Variants in ENTREP2 observed in about 807,000 individuals in gnomAD.
The protein encoded by ENTREP2 is endosomal transmembrane epsin interactor 2.
chr15:29,582,761 C>T, the ENTREP2 span, among the ~76,000 whole-genome samples: 14 of 152,210 alleles, frequency 9.2e-5, no homozygotes, highest in Middle Eastern at 3.4e-3. Context: ...AAGCGATTCT[C>T]CTGCCTCAGC....
the ENTREP2 span, among the ~76,000 whole-genome samples, chr15:29,482,361 C>A: frequency 6.6e-6 from 1 of 152,072 alleles, no homozygotes; most frequent in South Asian, 2.1e-4. Flanking sequence ...CATTATCACC[C>A]AAGTCCATGG....
chr15:29,605,212 T>C, the ENTREP2 span, among the ~76,000 whole-genome samples: 6 of 152,190 alleles, frequency 3.9e-5, no homozygotes, highest in Non-Finnish European at 7.3e-5. Flanking sequence ...GCAAAGAGAT[T>C]GTCAGGCTCT....
chr15:29,366,989 A>G, the ENTREP2 span, among the ~76,000 whole-genome samples: 13 of 152,328 alleles, frequency 8.5e-5, no homozygotes, highest in African/African-American at 3.1e-4. Context: ...GAGAGATGAC[A>G]TCAGAAAAAG....
At chr15:29,293,028 C>G in the ENTREP2 span, among the ~76,000 whole-genome samples, 1 of 152,184 alleles carries the variant, frequency 6.6e-6, no homozygotes, top group Non-Finnish European at 1.5e-5. Flanking sequence ...TTTGAGTGGC[C>G]ATGTGTCAAA....
chr15:29,318,636 A>C, the ENTREP2 span, among the ~76,000 whole-genome samples: 4 of 152,166 alleles, frequency 2.6e-5, no homozygotes, highest in Non-Finnish European at 2.9e-5. Flanking sequence ...AGGTATGTAC[A>C]CTTTTTAAAG....
At chr15:29,179,509 G>A in the ENTREP2 span, among the ~76,000 whole-genome samples, 2 of 152,160 alleles carry the variant, frequency 1.3e-5, no homozygotes, top group Non-Finnish European at 2.9e-5. Context: ...GGATACTGAG[G>A]ATGAGCTTAG....
At chr15:29,663,617 A>G in the ENTREP2 span, among the ~76,000 whole-genome samples, 1 of 152,202 alleles carries the variant, frequency 6.6e-6, no homozygotes, top group Non-Finnish European at 1.5e-5. Context: ...GCAAGGACAA[A>G]AAACCAAACA....
chr15:29,669,165 G>A, the ENTREP2 span, among the ~76,000 whole-genome samples: 3 of 152,154 alleles, frequency 2.0e-5, no homozygotes, highest in African/African-American at 4.8e-5. Context: ...CCAAGATTGC[G>A]CCGCTGAACT....
chr15:29,233,990 A>G, the ENTREP2 span: 1 of 1,497,944 alleles, frequency 6.7e-7, no homozygotes, highest in East Asian at 2.3e-5. Context: ...GACCATAGGA[A>G]GAGTTGAAAT....
chr15:29,376,464 A>AG, the ENTREP2 span: 1 of 152,150 alleles, frequency 6.6e-6, no homozygotes, highest in South Asian at 2.1e-4. Context: ...TAAAAAAAAA[A>AG]CTATCCCAGT....
chr15:29,668,715 C>T, the ENTREP2 span, among the ~76,000 whole-genome samples: 1 of 152,188 alleles, frequency 6.6e-6, no homozygotes, highest in Admixed American at 6.5e-5. Context: ...CTCTCTCCTC[C>T]CTCCTGCCCC....
At chr15:29,454,082 G>A in the ENTREP2 span, among the ~76,000 whole-genome samples, 1 of 152,262 alleles carries the variant, frequency 6.6e-6, no homozygotes, top group Non-Finnish European at 1.5e-5. Flanking sequence ...ACTGGAGTAT[G>A]AGAGTATTCA....
chr15:29,589,183 G>A, the ENTREP2 span, among the ~76,000 whole-genome samples: 3 of 152,072 alleles, frequency 2.0e-5, no homozygotes, highest in Admixed American at 1.3e-4. Flanking sequence ...AGCTGGCAAA[G>A]TTTAATTTCT....
the ENTREP2 span, among the ~76,000 whole-genome samples, chr15:29,231,885 C>CTTTTTTTTTTTTTTTTTTTT: frequency 1.5e-5 from 2 of 129,982 alleles, no homozygotes; most frequent in African/African-American, 3.0e-5. Context: ...GTTTTCTTTT[C>CTTTTTTTTTTTTTTTTTTTT]TTTTCTTTCT....
At chr15:29,282,983 C>G in the ENTREP2 span, among the ~76,000 whole-genome samples, 1 of 152,152 alleles carries the variant, frequency 6.6e-6, no homozygotes, top group Non-Finnish European at 1.5e-5. Context: ...CTGTTGCTCC[C>G]CATGGCCTAT....
the ENTREP2 span, among the ~76,000 whole-genome samples, chr15:29,475,472 C>T: frequency 6.6e-6 from 1 of 152,164 alleles, no homozygotes; most frequent in African/African-American, 2.4e-5. Context: ...TCACTCACCG[C>T]ACCTTGGAAT....
the ENTREP2 span, chr15:29,373,902 A>C: frequency 6.6e-6 from 1 of 152,080 alleles, no homozygotes; most frequent in Non-Finnish European, 1.5e-5. Context: ...AATACTCCTA[A>C]GCAGAAAAAA....
chr15:29,665,854 T>A, the ENTREP2 span, among the ~76,000 whole-genome samples: 2 of 145,514 alleles, frequency 1.4e-5, no homozygotes, highest in African/African-American at 5.1e-5. Flanking sequence ...TACATCATCT[T>A]TTTTTTTTTT....
chr15:29,564,843 T>C, the ENTREP2 span, among the ~76,000 whole-genome samples: 8 of 152,168 alleles, frequency 5.3e-5, no homozygotes, highest in African/African-American at 1.2e-4. Flanking sequence ...CCCAACACTT[T>C]TGTTGACATA....
Sources: allele counts gnomAD v4.1 joint callset (sites outside exome capture counted in the v4.1 genomes callset), GRCh38; gene constraint gnomAD v4.1.1; transcripts MANE v1.5; gene names NCBI Gene and HGNC (gene_info 2026-07-23, HGNC 2026-07-21).